EYS: variants seen among roughly 807,000 people sequenced by gnomAD.
EYS encodes protein eyes shut homolog.
Under a neutral mutation model 282.1 loss-of-function variants are expected in EYS, and 250 were observed. That is an observed-to-expected ratio of 0.89 (90% CI 0.80 to 0.98). The LOEUF (loss-of-function observed/expected upper bound fraction) is 0.98, where lower values mean the gene tolerates loss of function less well. EYS is among the 50% of genes least tolerant of loss of function. The pLI, the probability that EYS is intolerant of heterozygous loss-of-function variation, is 0.00. For synonymous variants in EYS, 1,355 were observed against 1,282.9 expected (o/e 1.06, Z -1.20); for missense variants, 4,016 against 3,709.0 (o/e 1.08, Z -2.15).
intron 26 of EYS, among the ~76,000 whole-genome samples, chr6:64,455,779 T>C (rs180917504): frequency 2.8e-5 from 4 of 141,124 alleles, no homozygotes; most frequent in Non-Finnish European, 6.3e-5. Flanking sequence ...GCAAAGGACA[T>C]GAAGTTTTCA....
intron 22 of EYS, among the ~76,000 whole-genome samples, chr6:64,796,000 T>C (rs1774345254): frequency 6.6e-6 from 1 of 152,274 alleles, no homozygotes; most frequent in East Asian, 1.9e-4. Context: ...GAGTCTACAC[T>C]GAGAAGTAAC....
chr6:64,308,286 A>G (rs1026537599), intron 29 of EYS, among the ~76,000 whole-genome samples: 1 of 152,144 alleles, frequency 6.6e-6, no homozygotes, highest in South Asian at 2.1e-4. Flanking sequence ...TAAGGGTCCA[A>G]GAACAAGAAG....
intron 12 of EYS, among the ~76,000 whole-genome samples, chr6:65,263,506 T>C (rs762105740): frequency 6.6e-6 from 1 of 152,036 alleles, no homozygotes; most frequent in Non-Finnish European, 1.5e-5. Flanking sequence ...AGAAAATTAA[T>C]AAAAACTAAA....
intron 31 of EYS, among the ~76,000 whole-genome samples, chr6:64,122,750 G>C: frequency 6.6e-6 from 1 of 151,918 alleles, no homozygotes; most frequent in Middle Eastern, 3.2e-3. Flanking sequence ...GAATATTTAA[G>C]ATACTGTAAA....
intron 15 of EYS, among the ~76,000 whole-genome samples, chr6:64,914,646 A>G (rs1043591682): frequency 1.3e-5 from 2 of 152,142 alleles, no homozygotes; most frequent in Non-Finnish European, 2.9e-5. Context: ...TTGCAACAAC[A>G]TCTATAATTG....
chr6:64,848,198 T>C (rs906751071), intron 19 of EYS, among the ~76,000 whole-genome samples: 1 of 152,032 alleles, frequency 6.6e-6, no homozygotes, highest in Non-Finnish European at 1.5e-5. Flanking sequence ...CAGCTTTCAA[T>C]AGATAATTGA....
chr6:63,750,169 G>A (rs1202056587), intron 41 of EYS, among the ~76,000 whole-genome samples: 1 of 152,018 alleles, frequency 6.6e-6, no homozygotes, highest in African/African-American at 2.4e-5. Flanking sequence ...GATTTCTTTA[G>A]TTGCCTATGT....
intron 23 of EYS, among the ~76,000 whole-genome samples, chr6:64,625,775 C>G (rs1047669831): frequency 3.3e-5 from 5 of 152,146 alleles, no homozygotes; most frequent in East Asian, 3.9e-4. Flanking sequence ...AATGTCAATA[C>G]TAATAAGAGC....
At chr6:64,285,500 C>G (rs139066193) in intron 30 of EYS, among the ~76,000 whole-genome samples, 1 of 152,166 alleles carries the variant, frequency 6.6e-6, no homozygotes, top group East Asian at 1.9e-4. Flanking sequence ...CAAAGCCATT[C>G]AAGTGTCTAG....
chr6:63,828,659 G>A (rs1000940156), intron 36 of EYS, among the ~76,000 whole-genome samples: 2 of 152,126 alleles, frequency 1.3e-5, no homozygotes, highest in Non-Finnish European at 2.9e-5. Flanking sequence ...AATGGGCTAA[G>A]GACATGAATA....
intron 21 of EYS, among the ~76,000 whole-genome samples, chr6:64,814,576 T>C (rs1405196973): frequency 6.6e-6 from 1 of 152,048 alleles, no homozygotes; most frequent in Non-Finnish European, 1.5e-5. Flanking sequence ...GTTTACAGTT[T>C]AGGGTTTATA....
At chr6:64,049,950 A>AG (rs1284040390) in intron 33 of EYS, among the ~76,000 whole-genome samples, 1 of 152,184 alleles carries the variant, frequency 6.6e-6, no homozygotes, top group Non-Finnish European at 1.5e-5. Context: ...CACACACTCC[A>AG]GGTAGACAAT....
intron 1 of EYS, among the ~76,000 whole-genome samples, chr6:65,706,167 CAT>C (rs1769870071): frequency 2.0e-5 from 3 of 151,220 alleles, no homozygotes; most frequent in African/African-American, 7.3e-5. Context: ...GACATATACT[CAT>C]ATGATATAGA....
chr6:64,868,136 T>C (rs1283068359), intron 19 of EYS, among the ~76,000 whole-genome samples: 1 of 151,486 alleles, frequency 6.6e-6, no homozygotes, highest in African/African-American at 2.4e-5. Context: ...ATTTAAATTA[T>C]ATTTTTATTT....
chr6:64,070,886 A>G (rs1771548364), intron 32 of EYS, among the ~76,000 whole-genome samples: 2 of 152,130 alleles, frequency 1.3e-5, no homozygotes, highest in African/African-American at 4.8e-5. Flanking sequence ...TTTATTCATT[A>G]TGACTTTTAC....
chr6:65,663,289 A>G (rs1051397481), intron 1 of EYS, among the ~76,000 whole-genome samples: 2 of 152,310 alleles, frequency 1.3e-5, no homozygotes, highest in East Asian at 3.9e-4. Context: ...AGAGAAACCA[A>G]TTCTAAGAGT....
At chr6:64,203,019 G>C (rs1765509487) in intron 31 of EYS, among the ~76,000 whole-genome samples, 1 of 152,164 alleles carries the variant, frequency 6.6e-6, no homozygotes, top group Non-Finnish European at 1.5e-5. Context: ...GTAGCCCTCA[G>C]ATACTAATAC....
intron 2 of EYS, among the ~76,000 whole-genome samples, chr6:65,631,159 T>C (rs1160261972): frequency 6.6e-6 from 1 of 152,148 alleles, no homozygotes; most frequent in Non-Finnish European, 1.5e-5. Context: ...TCAACCAAGT[T>C]TTTGGTGACA....
At chr6:65,702,160 C>A (rs2149853207) in intron 1 of EYS, among the ~76,000 whole-genome samples, 1 of 152,182 alleles carries the variant, frequency 6.6e-6, no homozygotes, top group East Asian at 1.9e-4. Flanking sequence ...GAGAATATTT[C>A]TCTACTTTGT....
Sources: gnomAD v4.1 joint callset for allele counts (sites outside exome capture counted in the v4.1 genomes callset) on GRCh38, gnomAD v4.1.1 for gene constraint, MANE v1.5 for transcripts, NCBI Gene and HGNC (gene_info 2026-07-23, HGNC 2026-07-21) for gene names.